The following B3GNT2 variants were observed in gnomAD, a reference collection of about 807,000 sequenced individuals.
The protein encoded by B3GNT2 is UDP-GlcNAc:betaGal beta-1,3-N-acetylglucosaminyltransferase 2.
A neutral mutation model predicts 27.6 loss-of-function variants in B3GNT2; 12 were observed. That is an observed-to-expected ratio of 0.44 (90% confidence interval 0.28 to 0.71). B3GNT2 has a LOEUF of 0.71. Among genes scored for constraint, B3GNT2 ranks in the 30% least tolerant of loss-of-function variants. The probability of loss-of-function intolerance (pLI) is 0.17; values close to 1 mark genes in which losing one functional copy is unlikely to be tolerated. For missense variants in B3GNT2, 413 were observed against 488.5 expected (o/e 0.85, Z 1.46); for synonymous variants, 192 against 189.7 (o/e 1.01, Z -0.10).
At chr2:62,219,203 C>CT (rs1239453425) in intron 1 of B3GNT2, among the ~76,000 whole-genome samples, 4 of 152,156 alleles carry the variant, frequency 2.6e-5, no homozygotes, top group Admixed American at 6.5e-5. Flanking sequence ...CTGTGCTTCC[C>CT]TTTTTTCTTC....
At chr2:62,199,311 G>T (rs1194772449) in intron 1 of B3GNT2, among the ~76,000 whole-genome samples, 1 of 152,232 alleles carries the variant, frequency 6.6e-6, no homozygotes, top group Non-Finnish European at 1.5e-5. Context: ...ATCCACAGCT[G>T]TTAATACTCT....
At chr2:62,198,022 G>A (rs545634654) in intron 1 of B3GNT2, among the ~76,000 whole-genome samples, 1 of 152,350 alleles carries the variant, frequency 6.6e-6, no homozygotes, top group Non-Finnish European at 1.5e-5. Flanking sequence ...AGTAATTTGA[G>A]TAATCCTTTT....
At chr2:62,197,364 G>A (rs1281282657) in intron 1 of B3GNT2, among the ~76,000 whole-genome samples, 3 of 152,228 alleles carry the variant, frequency 2.0e-5, no homozygotes, top group Non-Finnish European at 2.9e-5. Flanking sequence ...GAGCCGTCGG[G>A]AGACTCCCCA....
chr2:62,198,009 T>G (rs578203141), intron 1 of B3GNT2, among the ~76,000 whole-genome samples: 65 of 152,384 alleles, frequency 4.3e-4, no homozygotes, highest in African/African-American at 1.3e-3. Flanking sequence ...AGGGCTGTAC[T>G]TGAGTAATTT....
At chr2:62,218,173 G>C (rs1237361904) in intron 1 of B3GNT2, among the ~76,000 whole-genome samples, 1 of 152,222 alleles carries the variant, frequency 6.6e-6, no homozygotes, top group African/African-American at 2.4e-5. Context: ...GATATTTAGA[G>C]AGCTTTTTCC....
intron 1 of B3GNT2, among the ~76,000 whole-genome samples, chr2:62,198,872 C>G (rs1228045162): frequency 1.3e-5 from 2 of 152,080 alleles, no homozygotes; most frequent in African/African-American, 4.8e-5. Context: ...AGGGCTTTTT[C>G]AGCTGATGCA....
chr2:62,204,853 GAA>G (rs370669470), intron 1 of B3GNT2, among the ~76,000 whole-genome samples: 3 of 152,280 alleles, frequency 2.0e-5, no homozygotes, highest in African/African-American at 7.2e-5. Flanking sequence ...CAGATACAGA[GAA>G]TGGTATCATG....
intron 1 of B3GNT2, chr2:62,205,780 G>A (rs1674359952): frequency 6.5e-6 from 1 of 152,812 alleles, no homozygotes; most frequent in African/African-American, 2.4e-5. Flanking sequence ...CGTGGGCGGG[G>A]CCTGCCAGCC....
chr2:62,204,003 A>G (rs1674321314), intron 1 of B3GNT2, among the ~76,000 whole-genome samples: 1 of 152,224 alleles, frequency 6.6e-6, no homozygotes, highest in African/African-American at 2.4e-5. Flanking sequence ...TCTATGGACC[A>G]TAAACTTGCT....
At chr2:62,212,268 TG>T (rs1406300785) in intron 1 of B3GNT2, among the ~76,000 whole-genome samples, 17 of 152,282 alleles carry the variant, frequency 1.1e-4, no homozygotes, top group Middle Eastern at 3.4e-3. Context: ...CTCCAGCATC[TG>T]TTGCTCTGTT....
At chr2:62,202,641 A>G (rs1317069695) in intron 1 of B3GNT2, among the ~76,000 whole-genome samples, 1 of 152,184 alleles carries the variant, frequency 6.6e-6, no homozygotes, top group Admixed American at 6.5e-5. Context: ...GAATGAGGCG[A>G]GCCTGACCCC....
chr2:62,202,674 C>A lies in B3GNT2; in HGVS notation c.-10+6319C>A, dbSNP rs369708032. 2.0e-5 allele frequency among the ~76,000 whole-genome samples: 3 copies of A among 152,192 alleles called. No homozygotes were observed. In the East Asian group the frequency reaches 5.8e-4, roughly 29 times the overall value. On this transcript the variant is annotated intron_variant, in intron 1 of 1. Transcript: ENST00000301998. ...CCCGGGCAGGTCATTGCAGTCCCTG[C>A]GTTCTCTGCTTCCCATTTGCCCCCT...
chr2:62,215,994 G>A (rs114998947), intron 1 of B3GNT2, among the ~76,000 whole-genome samples: 22 of 152,318 alleles, frequency 1.4e-4, no homozygotes, highest in Non-Finnish European at 2.1e-4. Context: ...TGGCTTGTAC[G>A]TATTGCTCGT....
chr2:62,199,771 C>A (rs1228697134), intron 1 of B3GNT2, among the ~76,000 whole-genome samples: 2 of 152,222 alleles, frequency 1.3e-5, no homozygotes, highest in Admixed American at 1.3e-4. Flanking sequence ...GTCTTTTTCT[C>A]CACTCTCTAA....
intron 1 of B3GNT2, among the ~76,000 whole-genome samples, chr2:62,198,940 G>GT (rs986193544): frequency 6.6e-6 from 1 of 151,928 alleles, no homozygotes; most frequent in Non-Finnish European, 1.5e-5. Flanking sequence ...AGCTTTAAAT[G>GT]TTTTTTTCTT....
At chr2:62,220,554 G>T (rs1286835757) in intron 1 of B3GNT2, among the ~76,000 whole-genome samples, 1 of 152,144 alleles carries the variant, frequency 6.6e-6, no homozygotes, top group Non-Finnish European at 1.5e-5. Flanking sequence ...GCAAATACTA[G>T]ATTAAAATAG....
At chr2:62,219,027 T>C (rs1461350467) in intron 1 of B3GNT2, among the ~76,000 whole-genome samples, 1 of 152,248 alleles carries the variant, frequency 6.6e-6, no homozygotes, top group East Asian at 1.9e-4. Flanking sequence ...TTTTCCGTGA[T>C]AGAGGCTTCA....
In B3GNT2 at chr2:62,223,427, C is replaced by A; in HGVS notation, c.*13C>A. 1 of 1,565,368 alleles carries A rather than the reference C, an allele frequency of 6.4e-7. No homozygotes were observed. The highest frequency in any genetic ancestry group is 8.7e-7 in the Non-Finnish European group (1 of 1,145,912). ...TTTAAAATGCTAAAATAGATACAAA[C>A]TCAATTTTGCATAGAAAGGTGTATT... On this transcript the variant is annotated 3_prime_UTR_variant, in exon 2 of 2. Transcript: ENST00000301998.
intron 1 of B3GNT2, among the ~76,000 whole-genome samples, chr2:62,219,758 G>A (rs1674646939): frequency 6.6e-6 from 1 of 152,182 alleles, no homozygotes; most frequent in African/African-American, 2.4e-5. Flanking sequence ...AGAAGTATTT[G>A]AGAAATAACT....
Sources: gnomAD v4.1 joint callset for allele counts (sites outside exome capture counted in the v4.1 genomes callset) on GRCh38, gnomAD v4.1.1 for gene constraint, MANE v1.5 for transcripts, NCBI Gene and HGNC (gene_info 2026-07-23, HGNC 2026-07-21) for gene names.